The following CDH18 variants were observed in gnomAD, a reference collection of about 807,000 sequenced individuals.
CDH18 encodes the protein cadherin-18.
Under a neutral mutation model 67.9 loss-of-function variants are expected in CDH18, and 31 were observed. That is an observed-to-expected ratio of 0.46 (90% CI 0.34 to 0.62). CDH18 has a LOEUF of 0.62. Among genes scored for constraint, CDH18 ranks in the 20% least tolerant of loss-of-function variants. The pLI, the probability that CDH18 is intolerant of heterozygous loss-of-function variation, is 0.01. For missense variants in CDH18, 890 were observed against 975.5 expected (o/e 0.91, Z 1.17); for synonymous variants, 362 against 347.2 (o/e 1.04, Z -0.48).
At chr5:20,115,207 A>AGTCTCTT (rs1174186668) in intron 2 of CDH18, among the ~76,000 whole-genome samples, 1 of 145,822 alleles carries the variant, frequency 6.9e-6, no homozygotes, top group Non-Finnish European at 1.5e-5. Flanking sequence ...AGCAAGCTCT[A>AGTCTCTT]GTCTCTTTCT....
At chr5:20,053,923 A>G (rs1340099464) in intron 2 of CDH18, among the ~76,000 whole-genome samples, 3 of 152,060 alleles carry the variant, frequency 2.0e-5, no homozygotes, top group Non-Finnish European at 2.9e-5. Context: ...TCCAGCCCCA[A>G]TGTTCCTGTG....
At chr5:20,054,792 T>C (rs984917525) in intron 2 of CDH18, among the ~76,000 whole-genome samples, 2 of 152,210 alleles carry the variant, frequency 1.3e-5, no homozygotes, top group African/African-American at 2.4e-5. Context: ...TACAAAAGTA[T>C]GGCTTTTTCA....
At chr5:20,403,483 G>T (rs959282911) in intron 1 of CDH18, among the ~76,000 whole-genome samples, 1 of 152,180 alleles carries the variant, frequency 6.6e-6, no homozygotes, top group African/African-American at 2.4e-5. Flanking sequence ...CTGAAGAATA[G>T]ATGTTGTGTC....
intron 5 of CDH18, among the ~76,000 whole-genome samples, chr5:19,647,484 C>G (rs1754930580): frequency 8.5e-6 from 1 of 118,030 alleles, no homozygotes; most frequent in South Asian, 2.9e-4. Context: ...GAGCCAAGAT[C>G]ATGCCATTGT....
chr5:20,011,645 T>C (rs1315629235), intron 2 of CDH18, among the ~76,000 whole-genome samples: 2 of 152,160 alleles, frequency 1.3e-5, no homozygotes, highest in East Asian at 3.8e-4. Flanking sequence ...ACCTAGCTTA[T>C]TGAGAGTTTT....
intron 1 of CDH18, among the ~76,000 whole-genome samples, chr5:20,348,210 T>G (rs1740868947): frequency 6.6e-6 from 1 of 152,188 alleles, no homozygotes; most frequent in African/African-American, 2.4e-5. Flanking sequence ...CTCAAACCTG[T>G]TTGGATATAA....
chr5:20,555,110 A>C (rs1757826773), intron 1 of CDH18, among the ~76,000 whole-genome samples: 1 of 152,136 alleles, frequency 6.6e-6, no homozygotes, highest in Non-Finnish European at 1.5e-5. Flanking sequence ...TAAAGACATA[A>C]AGGTAGTCTT....
At chr5:19,599,954 A>G (rs919148144) in intron 6 of CDH18, among the ~76,000 whole-genome samples, 3 of 152,058 alleles carry the variant, frequency 2.0e-5, no homozygotes, top group African/African-American at 7.2e-5. Context: ...TCCAATTCCC[A>G]TAATGTTCTC....
At chr5:19,667,480 A>T (rs1758122684) in intron 5 of CDH18, among the ~76,000 whole-genome samples, 1 of 137,228 alleles carries the variant, frequency 7.3e-6, no homozygotes, top group Non-Finnish European at 1.6e-5. Flanking sequence ...AATCACAATG[A>T]ATATATATGT....
intron 1 of CDH18, among the ~76,000 whole-genome samples, chr5:20,543,125 G>A (rs1253211544): frequency 1.3e-5 from 2 of 151,930 alleles, no homozygotes; most frequent in South Asian, 4.1e-4. Context: ...AAAAAATATG[G>A]TACAATTTAT....
chr5:20,444,603 G>A (rs892316720), intron 1 of CDH18, among the ~76,000 whole-genome samples: 2 of 152,106 alleles, frequency 1.3e-5, no homozygotes, highest in Non-Finnish European at 2.9e-5. Flanking sequence ...GCTAATCCCT[G>A]AAATAAACTG....
upstream of CDH18, among the ~76,000 whole-genome samples, chr5:19,988,659 C>T (rs2150381066): frequency 6.6e-6 from 1 of 152,022 alleles, no homozygotes; most frequent in Non-Finnish European, 1.5e-5. Flanking sequence ...GAGTAGCCAC[C>T]GGGAGGGACC....
chr5:19,574,925 G>C (rs531537985), intron 7 of CDH18, among the ~76,000 whole-genome samples: 1 of 152,214 alleles, frequency 6.6e-6, no homozygotes, highest in Admixed American at 6.5e-5. Context: ...TGTAGTCCCA[G>C]CTACTCGGGA....
At chr5:20,165,094 G>A (rs1736186312) in intron 2 of CDH18, among the ~76,000 whole-genome samples, 1 of 152,068 alleles carries the variant, frequency 6.6e-6, no homozygotes, top group Non-Finnish European at 1.5e-5. Flanking sequence ...TAGGTGCATT[G>A]ACTAGGGAGA....
chr5:19,898,606 ATG>A (rs1159968103), intron 2 of CDH18, among the ~76,000 whole-genome samples: 1 of 152,084 alleles, frequency 6.6e-6, no homozygotes, highest in Non-Finnish European at 1.5e-5. Flanking sequence ...CATTCAGTAT[ATG>A]AATTCTTAAT....
chr5:20,133,911 A>C (rs1749480523), intron 2 of CDH18, among the ~76,000 whole-genome samples: 1 of 152,010 alleles, frequency 6.6e-6, no homozygotes, highest in African/African-American at 2.4e-5. Context: ...GCTCTCTCTT[A>C]CTTCTCCATC....
chr5:20,143,056 T>A (rs1322939422), intron 2 of CDH18, among the ~76,000 whole-genome samples: 1 of 152,146 alleles, frequency 6.6e-6, no homozygotes, highest in Non-Finnish European at 1.5e-5. Flanking sequence ...AAAGCCTACA[T>A]TGCATTGAAG....
At position 20,209,494 on chromosome 5, in the gene CDH18, A is replaced by T. The variant is rs573135197; in HGVS notation, c.-518+45950T>A. Among the ~76,000 whole-genome samples, 8 of 152,208 alleles carry T rather than the reference A, an allele frequency of 5.3e-5. No individual in the cohort carries two copies. The South Asian group carries it at 1.0e-3, about 20-fold the overall frequency. On this transcript the variant is annotated intron_variant, in intron 2 of 14. Transcript: ENST00000507958. ...TCCTTATGTTAAGTGAAATAAGCTA[A>T]GCACAGAAAGATAGATGTGGTCACT...
At chr5:20,426,113 T>A (rs1748283863) in intron 1 of CDH18, among the ~76,000 whole-genome samples, 1 of 151,348 alleles carries the variant, frequency 6.6e-6, no homozygotes, top group African/African-American at 2.5e-5. Flanking sequence ...TTATTCCTAA[T>A]TCCATCTCCA....
Sources: allele counts gnomAD v4.1 joint callset (sites outside exome capture counted in the v4.1 genomes callset), GRCh38; gene constraint gnomAD v4.1.1; transcripts MANE v1.5; gene names NCBI Gene and HGNC (gene_info 2026-07-23, HGNC 2026-07-21).